Variants in SPTBN4 observed in about 807,000 individuals in gnomAD.
SPTBN4 encodes the protein spectrin beta chain, non-erythrocytic 4.
In SPTBN4, 96 loss-of-function variants were observed where a neutral mutation model predicts 277.8. The ratio of observed to expected loss-of-function variants is 0.35; its 90% CI spans 0.29 to 0.41. The LOEUF (loss-of-function observed/expected upper bound fraction) is 0.41, where lower values mean the gene tolerates loss of function less well. Among genes scored for constraint, SPTBN4 ranks in the 10% least tolerant of loss-of-function variants. The probability of loss-of-function intolerance (pLI) is 1.00; values close to 1 mark genes in which losing one functional copy is unlikely to be tolerated. For synonymous variants in SPTBN4, 1,481 were observed against 1,580.3 expected (o/e 0.94, Z 1.49); for missense variants, 3,006 against 3,595.7 (o/e 0.84, Z 4.19).
chr19:40,476,360 A>AG (rs1271471099), intron 2 of SPTBN4, among the ~76,000 whole-genome samples: 2 of 151,582 alleles, frequency 1.3e-5, no homozygotes, highest in African/African-American at 2.4e-5. Context: ...AAAAAAAAAA[A>AG]AAAGAGAGAG....
At chr19:40,570,823 T>G in intron 33 of SPTBN4, 95 bp downstream of exon 33, 1 of 1,307,500 alleles carries the variant, frequency 7.6e-7, no homozygotes, top group Non-Finnish European at 1.0e-6. Flanking sequence ...TGGCTCAACT[T>G]CAGGCCCTCC....
At chr19:40,493,550 T>A (rs994474760) in intron 5 of SPTBN4, among the ~76,000 whole-genome samples, 1 of 152,078 alleles carries the variant, frequency 6.6e-6, no homozygotes, top group Non-Finnish European at 1.5e-5. Context: ...TTTGTTGTTG[T>A]TGTCGTTGTT....
At chr19:40,527,271 T>C (rs559586725) in intron 17 of SPTBN4, among the ~76,000 whole-genome samples, 3 of 152,356 alleles carry the variant, frequency 2.0e-5, no homozygotes, top group Non-Finnish European at 4.4e-5. Context: ...ACAGATACTG[T>C]ACTTTTGTTT....
At position 40,502,648 on chromosome 19, in the gene SPTBN4, A is replaced by G; in HGVS notation, c.1204-127A>G. Reference sequence around the variant, plus strand: ...CAGTTTTTCAGTAGTAAAGTGTCATAAGGAAGCAATATTTTTTCCAATTTG... The same window carrying G: ...CAGTTTTTCAGTAGTAAAGTGTCATGAGGAAGCAATATTTTTTCCAATTTG... On this transcript the variant is annotated intron_variant, in intron 10 of 35. Transcript: ENST00000598249. This position sits in a 1 kb window ranked among gnomAD's most constrained non-coding sequence, Gnocchi z 4.9. 1 of 1,471,160 alleles carries G rather than the reference A, an allele frequency of 6.8e-7. No individual in the cohort carries two copies. Among genetic ancestry groups the G allele is most frequent in the Non-Finnish European group, 9.2e-7 (1 of 1,090,152 alleles). The allele number at this position is 1,471,160 out of a possible 1,614,324, so 91.1% of individuals were successfully genotyped here. A position where few individuals can be genotyped will look rare whatever the true frequency, so the allele number is the denominator to read the frequency against.
intron 2 of SPTBN4, among the ~76,000 whole-genome samples, chr19:40,487,348 C>CT (rs574600197): frequency 0.048 from 6,173 of 128,314 alleles, 208 homozygotes; most frequent in South Asian, 0.089. Flanking sequence ...CCGACTCACT[C>CT]TTTTTTTTTT....
rs147097055 is a variant in SPTBN4 at position 40,551,917 on chromosome 19, C to A, written c.4674+1590C>A. Among the ~76,000 whole-genome samples the A allele has an allele frequency of 1.4e-3, 218 of 151,648 alleles. 1 individual carries two copies. The highest frequency in any genetic ancestry group is 5.1e-3 in the African/African-American group (209 of 41,350). On this transcript the variant is annotated intron_variant, in intron 22 of 35. Coordinates refer to ENST00000598249, the MANE Select transcript of SPTBN4 (RefSeq NM_020971.3). Reference sequence around the variant, plus strand: ...GCTGAGGCAGGAGAATTGCTTGAACCCAGGAGGCAGAGGTTGCAGTGAGCC... The same window carrying A: ...GCTGAGGCAGGAGAATTGCTTGAACACAGGAGGCAGAGGTTGCAGTGAGCC...
intron 12 of SPTBN4, 96 bp from the exon 13 acceptor site, chr19:40,506,140 T>A: frequency 6.9e-7 from 1 of 1,457,112 alleles, no homozygotes; most frequent in Non-Finnish European, 9.2e-7. Flanking sequence ...TCGGGAGTGA[T>A]GGTGCAGAGT....
intron 33 of SPTBN4, 185 bp downstream of exon 33, chr19:40,570,913 G>A (rs1304958489): frequency 1.6e-6 from 1 of 627,684 alleles, no homozygotes; most frequent in Non-Finnish European, 2.5e-6. Flanking sequence ...ATGAGCAGGA[G>A]GGGGTGTGGT....
intron 30 of SPTBN4, 63 bp downstream of exon 30, chr19:40,566,422 C>G (rs1401276856): frequency 3.8e-5 from 52 of 1,368,894 alleles, no homozygotes; most frequent in Non-Finnish European, 5.0e-5. Context: ...ACCCATGGCT[C>G]TATATGAGAC....
chr19:40,527,975 G>C (rs2080612923), intron 17 of SPTBN4, among the ~76,000 whole-genome samples: 1 of 146,824 alleles, frequency 6.8e-6, no homozygotes, highest in South Asian at 2.2e-4. Flanking sequence ...AGAATCGCTT[G>C]AACCTGGGGG....
In SPTBN4 at chr19:40,507,974, A is replaced by G. The variant is rs193161932; in HGVS notation, c.1816+1588A>G. Among the ~76,000 whole-genome samples the G allele has an allele frequency of 1.1e-4, 17 of 152,354 alleles. No individual in the cohort carries two copies. In the East Asian group the frequency reaches 2.9e-3, roughly 26 times the overall value. On this transcript the variant is annotated intron_variant, in intron 13 of 35. Transcript: ENST00000598249. ...CCCCAGGTATACAGCCTAACAGGTT[A>G]GCAGAGCCAATGGGACCCAGGCCCC...
chr19:40,490,337 A>G lies in SPTBN4; in HGVS notation c.495+89A>G. The G allele has an allele frequency of 1.4e-6, 2 of 1,440,046 alleles. No individual in the cohort carries two copies. The highest frequency in any genetic ancestry group is 1.9e-6 in the Non-Finnish European group (2 of 1,069,064). The allele number at this position is 1,440,046 out of a possible 1,614,324, so 89.2% of individuals were successfully genotyped here. A position where few individuals can be genotyped will look rare whatever the true frequency, so the allele number is the denominator to read the frequency against. The stretch of plus-strand genomic sequence containing the variant: ...TTTACCCATTCATTCTTTCCTTCCA[A>G]TAATATCCTAATATGCTGGAATCCT... On this transcript the variant is annotated intron_variant, in intron 4 of 35. Coordinates refer to ENST00000598249, the MANE Select transcript of SPTBN4 (RefSeq NM_020971.3). The surrounding 1 kb of genome is among the most constrained non-coding windows in gnomAD (Gnocchi z 4.3).
Position 40,554,684 on chromosome 19 carries a change from G to C in SPTBN4, c.5084+38G>C, listed in dbSNP as rs1029793832. 6.3e-7 allele frequency: 1 copy of C among 1,589,988 alleles called. No homozygotes were observed. The highest frequency in any genetic ancestry group is 8.6e-7 in the Non-Finnish European group (1 of 1,169,292). ...GTGGCCAGTTCACAGGAATGGTCCA[G>C]CAGGACCTGAAGCTTCGCTGTTGGG... is the stretch of plus-strand genomic sequence containing the variant. On this transcript the variant is annotated intron_variant, in intron 24 of 35. Coordinates refer to ENST00000598249, the MANE Select transcript of SPTBN4 (RefSeq NM_020971.3). This position sits in a 1 kb window ranked among gnomAD's most constrained non-coding sequence, Gnocchi z 5.7.
At position 40,567,727 on chromosome 19, in the gene SPTBN4, T is replaced by C. The variant is rs1234569644; in HGVS notation, c.6401T>C (p.Phe2134Ser). 4 of 1,558,902 alleles carry C rather than the reference T, an allele frequency of 2.6e-6. No individual in the cohort carries two copies. The highest frequency in any genetic ancestry group is 3.5e-6 in the Non-Finnish European group (4 of 1,154,162). ...PPTPLLGRKF[F>S]GDPTELAAKA... The stretch of plus-strand genomic sequence containing the variant: ...ACCCCACTGCTGGGGCGCAAGTTCT[T>C]TGGGGACCCCACGGAACTGGCGGCC... Residue 2134 changes from phenylalanine (F) to serine (S), a missense_variant, in exon 31 of 36, where the codon TTT becomes TCT. Coordinates refer to ENST00000598249, the MANE Select transcript of SPTBN4 (RefSeq NM_020971.3).
Position 40,568,261 on chromosome 19 carries a change from T to G in SPTBN4, c.6935T>G (p.Ile2312Ser). Residue 2312 changes from isoleucine to serine, a missense_variant, in exon 31 of 36, where the codon ATC (isoleucine) becomes AGC (serine). Ile to Ser is a moderately radical substitution (Grantham distance 142). Around this residue, in one of 5 missense-constraint regions of SPTBN4, gnomAD observed 630 missense variants for 677.6 expected, o/e 0.93. Coordinates refer to ENST00000598249, the MANE Select transcript of SPTBN4 (RefSeq NM_020971.3). Reference sequence around the variant, plus strand: ...GAGTCCAGCGAACAGGAGATGCCCATCAGAGGAGACCTGGTCAAGGGGTGA... The same window carrying G: ...GAGTCCAGCGAACAGGAGATGCCCAGCAGAGGAGACCTGGTCAAGGGGTGA... Reference protein sequence around the residue: ...RQESSEQEMPIRGDLVKGKAT... With the variant: ...RQESSEQEMPSRGDLVKGKAT... 6.2e-7 allele frequency: 1 copy of G among 1,605,516 alleles called. No homozygotes were observed. The highest frequency in any genetic ancestry group is 8.5e-7 in the Non-Finnish European group (1 of 1,176,440).
At chr19:40,505,619 G>A (rs912332377) in intron 12 of SPTBN4, among the ~76,000 whole-genome samples, 1 of 151,486 alleles carries the variant, frequency 6.6e-6, no homozygotes, top group African/African-American at 2.4e-5. Context: ...GCAGTGAGCT[G>A]AGATCGCGCC....
intron 15 of SPTBN4, among the ~76,000 whole-genome samples, chr19:40,518,490 T>C (rs1348563470): frequency 6.6e-6 from 1 of 152,008 alleles, no homozygotes; most frequent in African/African-American, 2.4e-5. Context: ...TGGAGTGCAG[T>C]GGCACAATCA....
chr19:40,570,341 A>T, intron 32 of SPTBN4, 95 bp from the exon 33 acceptor site: 1 of 732,746 alleles, frequency 1.4e-6, no homozygotes, highest in Non-Finnish European at 2.0e-6. Flanking sequence ...ATGGCCCTGT[A>T]GACAGATGGG....
intron 4 of SPTBN4, among the ~76,000 whole-genome samples, chr19:40,491,481 C>A (rs1241954712): frequency 6.6e-6 from 1 of 152,058 alleles, no homozygotes; most frequent in Non-Finnish European, 1.5e-5. Flanking sequence ...GCGGCTCATG[C>A]CCATAATCCC....
Sources: allele counts gnomAD v4.1 joint callset (sites outside exome capture counted in the v4.1 genomes callset), GRCh38; gene constraint gnomAD v4.1.1; regional missense constraint gnomAD v4.1.1; non-coding constraint Gnocchi (gnomAD v3.1); transcripts MANE v1.5; gene names NCBI Gene and HGNC (gene_info 2026-07-23, HGNC 2026-07-21).